Variants in DLC1 observed in about 807,000 individuals in gnomAD.
DLC1 encodes rho GTPase-activating protein 7.
In DLC1, 54 loss-of-function variants were observed where a neutral mutation model predicts 140.3. The observed-to-expected ratio is 0.38, with a 90% confidence interval of 0.31 to 0.48. The LOEUF (loss-of-function observed/expected upper bound fraction) is 0.48, where lower values mean the gene tolerates loss of function less well. Among genes scored for constraint, DLC1 ranks in the 20% least tolerant of loss-of-function variants. The probability of loss-of-function intolerance (pLI) is 0.96; values close to 1 mark genes in which losing one functional copy is unlikely to be tolerated. For synonymous variants in DLC1, 986 were observed against 728.1 expected, an observed-to-expected ratio of 1.35 and a Z score of -5.70; for missense variants, 2,536 against 1,907.0, an observed-to-expected ratio of 1.33 and a Z score of -6.14.
At chr8:13,148,512 A>G (rs1823590387) in intron 5 of DLC1, among the ~76,000 whole-genome samples, 1 of 152,106 alleles carries the variant, frequency 6.6e-6, no homozygotes, top group South Asian at 2.1e-4. Flanking sequence ...CACAATTTTG[A>G]TTTCGTGGCC....
chr8:13,404,559 T>C (rs289589), intron 2 of DLC1, among the ~76,000 whole-genome samples: 1 of 152,016 alleles, frequency 6.6e-6, no homozygotes, highest in Non-Finnish European at 1.5e-5. Flanking sequence ...TAACACATTT[T>C]ATTTTTTAAA....
At position 13,453,565 on chromosome 8, in the gene DLC1, T is replaced by A. The variant is rs1387664392; in HGVS notation, c.1023+45484A>T. Among the ~76,000 whole-genome samples, 12 of 117,614 alleles carry A rather than the reference T, an allele frequency of 1.0e-4. 1 individual carries two copies. The highest frequency in any genetic ancestry group is 4.1e-4 in the African/African-American group (12 of 28,928). The allele number at this position is 117,614 out of a possible 152,430, so 77.2% of individuals were successfully genotyped here. A position where few individuals can be genotyped will look rare whatever the true frequency, so the allele number is the denominator to read the frequency against. On this transcript the variant is annotated intron_variant, in intron 2 of 17. Transcript: ENST00000276297. ...ATATATATATATATATATTTTTTTT[T>A]TTTTTTTTTCAGATAGAAATGTTTA...
chr8:13,449,563 C>A (rs1246117327), intron 2 of DLC1, among the ~76,000 whole-genome samples: 1 of 151,572 alleles, frequency 6.6e-6, no homozygotes, highest in African/African-American at 2.4e-5. Flanking sequence ...AGCAAACTAT[C>A]GCAAGGACAA....
chr8:13,512,515 TA>T (rs1802421576), intron 1 of DLC1, among the ~76,000 whole-genome samples: 1 of 152,148 alleles, frequency 6.6e-6, no homozygotes. Flanking sequence ...ACAAATCAAT[TA>T]AGGGATTGCA....
intron 4 of DLC1, among the ~76,000 whole-genome samples, chr8:13,364,856 A>G (rs1037916156): frequency 3.3e-5 from 5 of 152,238 alleles, no homozygotes; most frequent in African/African-American, 1.2e-4. Context: ...ACAAACCATC[A>G]AAACAATAAA....
intron 4 of DLC1, among the ~76,000 whole-genome samples, chr8:13,356,415 T>C (rs1346990532): frequency 6.6e-6 from 1 of 152,182 alleles, no homozygotes; most frequent in South Asian, 2.1e-4. Context: ...AATTGATACT[T>C]TAACAAAATT....
chr8:13,153,480 C>T (rs1453248653), intron 5 of DLC1, among the ~76,000 whole-genome samples: 1 of 152,218 alleles, frequency 6.6e-6, no homozygotes, highest in Non-Finnish European at 1.5e-5. Flanking sequence ...ACCAAAGCTT[C>T]CACAGTGTGG....
At chr8:13,294,123 G>T (rs535996847) in intron 5 of DLC1, among the ~76,000 whole-genome samples, 1 of 152,048 alleles carries the variant, frequency 6.6e-6, no homozygotes, top group Non-Finnish European at 1.5e-5. Context: ...CTCTGTCTCC[G>T]CAAACCACTG....
chr8:13,362,772 C>A (rs1835293081), intron 4 of DLC1, among the ~76,000 whole-genome samples: 1 of 152,186 alleles, frequency 6.6e-6, no homozygotes, highest in South Asian at 2.1e-4. Flanking sequence ...GTTCTCTAAG[C>A]ATTCTACTGT....
intron 5 of DLC1, among the ~76,000 whole-genome samples, chr8:13,165,137 A>G (rs1825017967): frequency 6.6e-6 from 1 of 152,224 alleles, no homozygotes; most frequent in African/African-American, 2.4e-5. Flanking sequence ...TAGCAAGTAT[A>G]CCTTTTAGTA....
chr8:13,497,330 ATTGTAGTTTTCTAGGATAAATTC>A (rs1801561703), intron 2 of DLC1, among the ~76,000 whole-genome samples: 1 of 152,186 alleles, frequency 6.6e-6, no homozygotes, highest in Non-Finnish European at 1.5e-5. Context: ...TTCTCACATA[ATTGTAGTTTTCTAGGATAAATTC>A]CCAACCTAAA....
chr8:13,088,273 G>C (rs1817735130), intron 16 of DLC1, among the ~76,000 whole-genome samples: 1 of 152,062 alleles, frequency 6.6e-6, no homozygotes, highest in African/African-American at 2.4e-5. Context: ...GTAGAGATAG[G>C]GTCTTGCTAT....
At chr8:13,132,988 G>A in intron 5 of DLC1, 1 of 1,609,710 alleles carries the variant, frequency 6.2e-7, no homozygotes, top group Non-Finnish European at 8.5e-7. Context: ...CATCAAGCAC[G>A]GCAGGCGGCG....
intron 5 of DLC1, among the ~76,000 whole-genome samples, chr8:13,165,685 C>T (rs561533906): frequency 6.6e-6 from 1 of 152,134 alleles, no homozygotes; most frequent in Non-Finnish European, 1.5e-5. Flanking sequence ...GAGCAGTGGA[C>T]GCTCCAATCA....
At chr8:13,540,212 G>A (rs1803437147) in intron 1 of DLC1, among the ~76,000 whole-genome samples, 1 of 152,078 alleles carries the variant, frequency 6.6e-6, no homozygotes, top group African/African-American at 2.4e-5. Flanking sequence ...ATAAATAGGT[G>A]GTCCACAAAC....
At chr8:13,154,886 G>A (rs987197312) in intron 5 of DLC1, among the ~76,000 whole-genome samples, 1 of 152,092 alleles carries the variant, frequency 6.6e-6, no homozygotes, top group Non-Finnish European at 1.5e-5. Flanking sequence ...GTAGATAAGG[G>A]AATCCTATTA....
chr8:13,133,786 A>C (rs756960744), intron 5 of DLC1, among the ~76,000 whole-genome samples: 39 of 152,092 alleles, frequency 2.6e-4, no homozygotes, highest in Non-Finnish European at 4.0e-4. Context: ...GGCGGGAACC[A>C]CGTAAATTTG....
chr8:13,282,665 A>G (rs1281185901), intron 5 of DLC1, among the ~76,000 whole-genome samples: 4 of 151,998 alleles, frequency 2.6e-5, no homozygotes, highest in African/African-American at 4.8e-5. Flanking sequence ...TTCATTTTTC[A>G]CCATGTAAAA....
intron 5 of DLC1, among the ~76,000 whole-genome samples, chr8:13,143,138 A>C (rs1823138288): frequency 6.6e-6 from 1 of 152,298 alleles, no homozygotes; most frequent in African/African-American, 2.4e-5. Context: ...GATCATGTAT[A>C]GATATCTGTA....
Sources: gnomAD v4.1 joint callset for allele counts (sites outside exome capture counted in the v4.1 genomes callset) on GRCh38, gnomAD v4.1.1 for gene constraint, MANE v1.5 for transcripts, NCBI Gene and HGNC (gene_info 2026-07-23, HGNC 2026-07-21) for gene names.